Variants in ARAP2 observed in about 807,000 individuals in gnomAD.
ARAP2 encodes ArfGAP with RhoGAP domain, ankyrin repeat and PH domain 2, also known as arf-GAP with Rho-GAP domain, ANK repeat and PH domain-containing protein 2.
In ARAP2, 148 loss-of-function variants were observed where a neutral mutation model predicts 194.5. The observed-to-expected ratio is 0.76, with a 90% CI of 0.67 to 0.87. The LOEUF is 0.87. Ranked by LOEUF, ARAP2 falls within the 40% of genes least tolerant of loss-of-function variation. ARAP2 has a pLI of 0.00. For missense variants in ARAP2, 2,128 were observed against 1,989.7 expected (o/e 1.07, Z -1.32); for synonymous variants, 695 against 683.5 (o/e 1.02, Z -0.26).
chr4:36,007,878 T>G (rs1048639523), intron 9 of ARAP2, among the ~76,000 whole-genome samples: 1 of 152,068 alleles, frequency 6.6e-6, no homozygotes, highest in Non-Finnish European at 1.5e-5. Context: ...CAAAAATCAG[T>G]AGCAGTTCTA....
intron 6 of ARAP2, among the ~76,000 whole-genome samples, chr4:36,197,952 T>TTC (rs35076960): frequency 0.9 from 137,216 of 152,074 alleles, 62,002 homozygotes; most frequent in East Asian, 1. Flanking sequence ...GCCGCAGCTC[T>TTC]TCTCCTTGTT....
At chr4:36,118,016 C>T (rs1289985120) in intron 24 of ARAP2, among the ~76,000 whole-genome samples, 2 of 151,266 alleles carry the variant, frequency 1.3e-5, no homozygotes, top group Non-Finnish European at 3.0e-5. Context: ...ACCAAGAAAT[C>T]ATTCTCAAAT....
rs902609532 is a variant in ARAP2, at chr4:36,100,934, G to A, written c.4285+6631C>T. Among the ~76,000 whole-genome samples the A allele has an allele frequency of 4.6e-5, 7 of 151,808 alleles. No homozygotes were observed. The East Asian group carries it at 7.8e-4, about 17-fold the overall frequency. ...CTATTCTCCTTTATGTTATTTATAC[G>A]GTTGGCCCTCTGTATCCATGGATGC... On this transcript the variant is annotated intron_variant, in intron 27 of 32. Transcript: ENST00000303965.
intron 6 of ARAP2, among the ~76,000 whole-genome samples, chr4:36,206,816 T>A (rs12650101): frequency 0.011 from 1,738 of 152,278 alleles, 33 homozygotes; most frequent in East Asian, 0.089. Flanking sequence ...TTTAGCTGTC[T>A]CAGGCTCACA....
chr4:36,067,941 G>T lies in ARAP2; in HGVS notation c.5081C>A (p.Pro1694Gln). 1 of 1,592,280 alleles carries T rather than the reference G, an allele frequency of 6.3e-7. No individual in the cohort carries two copies. The part of the protein sequence containing the change: ...NVVLQRSRTL[P>Q]KELQDEQILK ...AATCTGCTCATCCTGTAATTCTTTTGGAAGGGTTCTTGACCGTTGTAGAAC... is the reference window on the plus strand; with the variant it reads ...AATCTGCTCATCCTGTAATTCTTTTTGAAGGGTTCTTGACCGTTGTAGAAC... Residue 1694 changes from proline (P) to glutamine (Q), a missense_variant, in exon 33 of 33, where the codon CCA (proline) becomes CAA (glutamine). Coordinates refer to ENST00000303965, the MANE Select transcript of ARAP2 (RefSeq NM_015230.4).
chr4:36,238,644 T>C (rs1752889857), intron 1 of ARAP2, among the ~76,000 whole-genome samples: 2 of 152,258 alleles, frequency 1.3e-5, no homozygotes, highest in African/African-American at 4.8e-5. Context: ...AAGTTTGATA[T>C]GTGTCCATGT....
intron 22 of ARAP2, among the ~76,000 whole-genome samples, chr4:36,123,177 T>C (rs899624786): frequency 6.6e-6 from 1 of 151,820 alleles, no homozygotes; most frequent in East Asian, 1.9e-4. Flanking sequence ...ATCTGGAACA[T>C]TTATCTGCAT....
intron 27 of ARAP2, among the ~76,000 whole-genome samples, chr4:36,098,163 G>T (rs140395071): frequency 6.6e-6 from 1 of 152,166 alleles, no homozygotes; most frequent in East Asian, 1.9e-4. Flanking sequence ...ATTGATAGGT[G>T]GAGGAGGCTG....
intron 2 of ARAP2, among the ~76,000 whole-genome samples, chr4:36,056,069 T>G (rs1723453610): frequency 1.3e-5 from 2 of 152,162 alleles, no homozygotes; most frequent in Admixed American, 1.3e-4. Flanking sequence ...GGGCAGAAAA[T>G]GATTAAGAAA....
intron 21 of ARAP2, among the ~76,000 whole-genome samples, chr4:36,126,062 T>C (rs1723814071): frequency 6.6e-6 from 1 of 151,990 alleles, no homozygotes; most frequent in African/African-American, 2.4e-5. Flanking sequence ...ATCTCTTTTG[T>C]ACTGATTTAG....
chr4:36,062,224 C>A (rs928703586), downstream of ARAP2, among the ~76,000 whole-genome samples: 1 of 152,106 alleles, frequency 6.6e-6, no homozygotes, highest in African/African-American at 2.4e-5. Context: ...TTTTGCCCAG[C>A]CCGTTGTCCT....
intron 27 of ARAP2, among the ~76,000 whole-genome samples, chr4:36,092,241 C>A (rs1713886156): frequency 6.6e-6 from 1 of 152,100 alleles, no homozygotes; most frequent in Non-Finnish European, 1.5e-5. Context: ...AGAAATCACA[C>A]AAAATGTGGT....
intron 15 of ARAP2, among the ~76,000 whole-genome samples, chr4:36,155,642 T>C (rs915566408): frequency 6.7e-6 from 1 of 148,680 alleles, no homozygotes; most frequent in African/African-American, 2.5e-5. Flanking sequence ...TCTTTTTTAT[T>C]TTTTATTTAT....
At chr4:36,013,694 A>G (rs1714991070) in intron 8 of ARAP2, among the ~76,000 whole-genome samples, 2 of 152,298 alleles carry the variant, frequency 1.3e-5, no homozygotes, top group South Asian at 4.1e-4. Context: ...ACATTAGAGA[A>G]TAATAACCTA....
At chr4:36,232,409 T>C (rs2109350460) in intron 1 of ARAP2, among the ~76,000 whole-genome samples, 1 of 152,304 alleles carries the variant, frequency 6.6e-6, no homozygotes, top group East Asian at 1.9e-4. Context: ...TAGTGCCAAA[T>C]CACATTTTTG....
intron 9 of ARAP2, chr4:36,007,100 G>C (rs1216160615): frequency 1.3e-5 from 2 of 152,058 alleles, no homozygotes; most frequent in African/African-American, 4.8e-5. Flanking sequence ...TAGCACTATA[G>C]CTGTATCAAT....
Position 36,159,490 on chromosome 4 carries a change from C to G in ARAP2, c.2458G>C (p.Val820Leu). The G allele has an allele frequency of 1.3e-6, 2 of 1,576,204 alleles. No individual in the cohort carries two copies. Among genetic ancestry groups the G allele is most frequent in the Non-Finnish European group, 1.7e-6 (2 of 1,157,438 alleles). ...GTTTCTAGAACATCCGGTTTCACTA[C>G]AGCAGCACATAGAGCCTGGTCATTA... ...EELNKALCAA[V>L]VKPDVLETMA... The change falls in exon 14 of 33, where the codon GTA becomes CTA. Residue 820 changes from valine to leucine, a missense_variant. Coordinates refer to ENST00000303965, the MANE Select transcript of ARAP2 (RefSeq NM_015230.4).
chr4:36,087,157 T>A (rs571538950), intron 28 of ARAP2, among the ~76,000 whole-genome samples: 1 of 152,216 alleles, frequency 6.6e-6, no homozygotes, highest in South Asian at 2.1e-4. Context: ...TAATTTACTA[T>A]AAAATCATTT....
At chr4:36,105,283 G>T (rs886745686) in intron 27 of ARAP2, among the ~76,000 whole-genome samples, 1 of 151,930 alleles carries the variant, frequency 6.6e-6, no homozygotes, top group Non-Finnish European at 1.5e-5. Flanking sequence ...TCACGCCACC[G>T]GTGGCACTCT....
Sources: allele counts gnomAD v4.1 joint callset (sites outside exome capture counted in the v4.1 genomes callset), GRCh38; gene constraint gnomAD v4.1.1; transcripts MANE v1.5; gene names NCBI Gene and HGNC (gene_info 2026-07-23, HGNC 2026-07-21).